Variants in SPAG6 observed in about 807,000 individuals in gnomAD.
SPAG6 encodes the protein sperm associated antigen 6.
Under a neutral mutation model 58.5 loss-of-function variants are expected in SPAG6, and 49 were observed. The ratio of observed to expected loss-of-function variants is 0.84; its 90% CI spans 0.67 to 1.06. The LOEUF (loss-of-function observed/expected upper bound fraction) is 1.06, where lower values mean the gene tolerates loss of function less well. Ranked by LOEUF, SPAG6 falls within the 50% of genes least tolerant of loss-of-function variation. The pLI, the probability that SPAG6 is intolerant of heterozygous loss-of-function variation, is 0.00. For missense variants in SPAG6, 560 were observed against 611.3 expected, an observed-to-expected ratio of 0.92 and a Z score of 0.89; for synonymous variants, 233 against 225.6, an observed-to-expected ratio of 1.03 and a Z score of -0.29.
intron 3 of SPAG6, among the ~76,000 whole-genome samples, chr10:22,366,662 A>G (rs1349299488): frequency 6.6e-6 from 1 of 152,208 alleles, no homozygotes; most frequent in Admixed American, 6.5e-5. Flanking sequence ...TGCTTGTTAT[A>G]GCTCTACAAG....
At chr10:22,376,826 T>C (rs538798979) in intron 4 of SPAG6, among the ~76,000 whole-genome samples, 1 of 152,148 alleles carries the variant, frequency 6.6e-6, no homozygotes, top group South Asian at 2.1e-4. Flanking sequence ...GTCTTATGCC[T>C]ATAGTCCCAG....
Position 22,401,234 on chromosome 10 carries a change from C to A in SPAG6, c.1271C>A (p.Ala424Asp). The A allele has an allele frequency of 6.2e-7, 1 of 1,603,814 alleles. No homozygotes were observed. Among genetic ancestry groups the A allele is most frequent in the Non-Finnish European group, 8.5e-7 (1 of 1,170,860 alleles). Residue 424 changes from alanine (A) to aspartate (D), a missense_variant, in exon 9 of 11, where the codon GCT becomes GAT. Ala to Asp is a moderately radical substitution (Grantham distance 126). Coordinates refer to ENST00000376624, the MANE Select transcript of SPAG6 (RefSeq NM_012443.4). The part of the protein sequence containing the change: ...LPALEPFLYD[A>D]PPNILKHVVG... ...GCCCTTGAACCATTTCTATATGATGCTCCTCCCAATATTCTGAAACATGTG... is the reference window on the plus strand; with the variant it reads ...GCCCTTGAACCATTTCTATATGATGATCCTCCCAATATTCTGAAACATGTG...
rs553859229 is a variant in SPAG6, at chr10:22,416,924, C to T, written c.*236C>T. On this transcript the variant is annotated 3_prime_UTR_variant, in exon 11 of 11. Coordinates refer to ENST00000376624, the MANE Select transcript of SPAG6 (RefSeq NM_012443.4). ...GTTCTACAGGTAGATTTTAAAAACA[C>T]GTTAAAGGGCCTTAAGGCATTTTGT... 1.8e-5 allele frequency: 6 copies of T among 339,558 alleles called. No individual in the cohort carries two copies. The highest frequency in any genetic ancestry group is 8.4e-5 in the African/African-American group (4 of 47,856). 21.0% of individuals were successfully genotyped at this position (339,558 alleles called of 1,614,324 possible). A position where few individuals can be genotyped will look rare whatever the true frequency, so the allele number is the denominator to read the frequency against.
Position 22,345,754 on chromosome 10 carries a change from G to T in SPAG6, c.57G>T (p.Gln19His). The T allele has an allele frequency of 6.2e-7, 1 of 1,613,696 alleles. No homozygotes were observed. Among genetic ancestry groups the T allele is most frequent in the Non-Finnish European group, 8.5e-7 (1 of 1,179,828 alleles). ...VFEQYQKART[Q>H]FVQMVAELAT... ...AGCAATACCAGAAGGCCAGGACCCA[G>T]TTCGTGCAGATGGTGGCGGAGCTGG... The change falls in exon 2 of 11, where the codon CAG becomes CAT. Residue 19 changes from glutamine (Q) to histidine (H), a missense_variant. By Grantham distance (24) the Gln-to-His change is conservative. Transcript: ENST00000376624. The surrounding 1 kb of genome is among the most constrained non-coding windows in gnomAD (Gnocchi z 6.3).
At position 22,387,907 on chromosome 10, in the gene SPAG6, G is replaced by C. The variant is rs750407697; in HGVS notation, c.763G>C (p.Val255Leu). Reference sequence around the variant, plus strand: ...GGTTGTTGAAGCAGAGATTTTTCCAGTTGTACTTACCTGTCTGAAGGACAA... The same window carrying C: ...GGTTGTTGAAGCAGAGATTTTTCCACTTGTACTTACCTGTCTGAAGGACAA... ...EMVVEAEIFP[V>L]VLTCLKDKDE... Residue 255 changes from valine (V) to leucine (L), a missense_variant, in exon 6 of 11, where the codon GTT becomes CTT. Val to Leu is a conservative substitution (Grantham distance 32). Transcript: ENST00000376624. The C allele has an allele frequency of 5.6e-6, 9 of 1,613,262 alleles. No homozygotes were observed. The highest frequency in any genetic ancestry group is 7.6e-6 in the Non-Finnish European group (9 of 1,179,692).
At chr10:22,401,795 A>G (rs981957302) in intron 9 of SPAG6, among the ~76,000 whole-genome samples, 1 of 152,210 alleles carries the variant, frequency 6.6e-6, no homozygotes, top group African/African-American at 2.4e-5. Flanking sequence ...AGTAAATGGT[A>G]GTAAGGTAGA....
At chr10:22,348,270 G>A (rs981048828) in intron 2 of SPAG6, among the ~76,000 whole-genome samples, 1 of 152,100 alleles carries the variant, frequency 6.6e-6, no homozygotes, top group Non-Finnish European at 1.5e-5. Flanking sequence ...ATTGCGCCCG[G>A]CCAGTTTTCT....
chr10:22,393,180 A>G (rs1834220315), intron 8 of SPAG6, among the ~76,000 whole-genome samples: 2 of 152,096 alleles, frequency 1.3e-5, no homozygotes, highest in Non-Finnish European at 2.9e-5. Context: ...TGTAACCTAT[A>G]TCTGTAGTCC....
At chr10:22,408,445 C>CTCGGGGG (rs1834620965) in intron 9 of SPAG6, among the ~76,000 whole-genome samples, 1 of 146,424 alleles carries the variant, frequency 6.8e-6, no homozygotes, top group Non-Finnish European at 1.5e-5. Context: ...AGTTAGGCTG[C>CTCGGGGG]TCGGGGGTCA....
intron 2 of SPAG6, among the ~76,000 whole-genome samples, chr10:22,360,173 A>G (rs1454753810): frequency 6.6e-6 from 1 of 152,152 alleles, no homozygotes; most frequent in African/African-American, 2.4e-5. Context: ...TCTTGACAGT[A>G]GGTGTCAAGA....
intron 10 of SPAG6, 61 bp from the exon 11 acceptor site, chr10:22,416,557 AT>A (rs1372882127): frequency 3.1e-5 from 30 of 980,608 alleles, no homozygotes; most frequent in Non-Finnish European, 4.6e-5. Flanking sequence ...CCTATATTGA[AT>A]CTTATGTGCC....
At chr10:22,372,665 C>G (rs746850994) in intron 4 of SPAG6, among the ~76,000 whole-genome samples, 1 of 151,998 alleles carries the variant, frequency 6.6e-6, no homozygotes, top group Non-Finnish European at 1.5e-5. Context: ...GTGGGAGCAG[C>G]AGCCTGGCTG....
intron 4 of SPAG6, among the ~76,000 whole-genome samples, chr10:22,384,683 T>C (rs973128488): frequency 2.0e-5 from 3 of 152,208 alleles, no homozygotes; most frequent in Non-Finnish European, 2.9e-5. Flanking sequence ...GAAACTTCTT[T>C]AGCTTCATGG....
chr10:22,387,841 C>CAGGTT lies in SPAG6; in HGVS notation c.697_698insAGGTT (p.Leu233GlnfsTer30), dbSNP rs1180303670. 6.2e-7 allele frequency: 1 copy of CAGGTT among 1,610,946 alleles called. No individual in the cohort carries two copies. The highest frequency in any genetic ancestry group is 8.5e-7 in the Non-Finnish European group (1 of 1,178,882). ...TTCACAGCATCAGATCCTTTCAGCT[C>CAGGTT]TCAGTCAGGTTTCAAAACATTCCGT... On this transcript the variant is annotated frameshift_variant, in exon 6 of 11. Coordinates refer to ENST00000376624, the MANE Select transcript of SPAG6 (RefSeq NM_012443.4). LOFTEE classifies it high-confidence loss of function.
At chr10:22,361,225 G>A in intron 2 of SPAG6, 1 of 184,208 alleles carries the variant, frequency 5.4e-6, no homozygotes, top group Non-Finnish European at 1.1e-5. Context: ...TTCTCTTTGT[G>A]CTACTGTCTA....
intron 7 of SPAG6, among the ~76,000 whole-genome samples, chr10:22,389,925 C>T (rs764385217): frequency 3.9e-5 from 6 of 152,066 alleles, no homozygotes; most frequent in African/African-American, 7.2e-5. Flanking sequence ...TAGGTGCTTA[C>T]GAAATGTGTG....
chr10:22,372,047 T>C (rs1313462558), intron 4 of SPAG6, among the ~76,000 whole-genome samples: 1 of 152,212 alleles, frequency 6.6e-6, no homozygotes, highest in Non-Finnish European at 1.5e-5. Flanking sequence ...TTCCTGCTCC[T>C]TAGTGACAGC....
At chr10:22,354,881 C>T (rs572627289) in intron 2 of SPAG6, among the ~76,000 whole-genome samples, 9 of 151,972 alleles carry the variant, frequency 5.9e-5, no homozygotes, top group South Asian at 2.1e-4. Context: ...TGGTGGCAGG[C>T]GCCTGTAATC....
At position 22,345,854 on chromosome 10, in the gene SPAG6, G is replaced by A; in HGVS notation, c.121+36G>A. 1 of 1,597,626 alleles carries A rather than the reference G, an allele frequency of 6.3e-7. No individual in the cohort carries two copies. Among genetic ancestry groups the A allele is most frequent in the East Asian group, 2.3e-5 (1 of 43,288 alleles). On this transcript the variant is annotated intron_variant, in intron 2 of 10. Transcript: ENST00000376624. The surrounding 1 kb of genome is among the most constrained non-coding windows in gnomAD (Gnocchi z 6.3). ...AGCCCGAACCCCCGTCGCCCCCCGCGCACTGAGTCCCCGACGCCTCCGCCC... is the reference window on the plus strand; with the variant it reads ...AGCCCGAACCCCCGTCGCCCCCCGCACACTGAGTCCCCGACGCCTCCGCCC...
Sources: gnomAD v4.1 joint callset for allele counts (sites outside exome capture counted in the v4.1 genomes callset) on GRCh38, gnomAD v4.1.1 for gene constraint, Gnocchi (gnomAD v3.1) non-coding constraint, MANE v1.5 for transcripts, NCBI Gene and HGNC (gene_info 2026-07-23, HGNC 2026-07-21) for gene names.